The following CXCR2 variants were observed in gnomAD, a reference collection of about 807,000 sequenced individuals.
The protein encoded by CXCR2 is C-X-C chemokine receptor type 2.
Under a neutral mutation model 3.7 loss-of-function variants are expected in CXCR2, and 2 were observed. That is an observed-to-expected ratio of 0.55 (90% confidence interval 0.22 to 1.72). The LOEUF is 1.72. CXCR2 is among the 40% of genes most tolerant of loss of function. The probability of loss-of-function intolerance (pLI) is 0.19; values close to 1 mark genes in which losing one functional copy is unlikely to be tolerated. For synonymous variants in CXCR2, 203 were observed against 193.3 expected, an observed-to-expected ratio of 1.05 and a Z score of -0.41; for missense variants, 351 against 450.1, an observed-to-expected ratio of 0.78 and a Z score of 1.99.
Position 218,135,333 on chromosome 2 carries a change from C to T in CXCR2, c.532C>T (p.Leu178=), listed in dbSNP as rs1342138733. Residue 178 remains leucine, a synonymous_variant, in exon 3 of 3, where the codon CTG becomes TTG. Transcript: ENST00000318507. This position sits in a 1 kb window ranked among gnomAD's most constrained non-coding sequence, Gnocchi z 4.0. ...SIWGLSLLLA[L]PVLLFRRTVY... The stretch of plus-strand genomic sequence containing the variant: ...CTGGGGTCTGTCCTTGCTCCTGGCC[C>T]TGCCTGTCTTACTTTTCCGAAGGAC... 1 of 1,614,194 alleles carries T rather than the reference C, an allele frequency of 6.2e-7. No individual in the cohort carries two copies.
chr2:218,135,576 A>G lies in CXCR2; in HGVS notation c.775A>G (p.Ile259Val). ...AMRVIFAVVL[I>V]FLLCWLPYNL... The stretch of plus-strand genomic sequence containing the variant: ...GCGGGTCATCTTTGCTGTCGTCCTC[A>G]TCTTCCTGCTCTGCTGGCTGCCCTA... The change falls in exon 3 of 3, where the codon ATC (isoleucine) becomes GTC (valine). Residue 259 changes from isoleucine to valine, a missense_variant. Ile to Val is a conservative substitution (Grantham distance 29). Coordinates refer to ENST00000318507, the MANE Select transcript of CXCR2 (RefSeq NM_001557.4). This position sits in a 1 kb window ranked among gnomAD's most constrained non-coding sequence, Gnocchi z 4.0. 1 of 1,614,054 alleles carries G rather than the reference A, an allele frequency of 6.2e-7. No individual in the cohort carries two copies. The highest frequency in any genetic ancestry group is 8.5e-7 in the Non-Finnish European group (1 of 1,180,000).
intron 2 of CXCR2, among the ~76,000 whole-genome samples, chr2:218,132,974 C>T (rs928607104): frequency 3.9e-5 from 6 of 152,226 alleles, no homozygotes; most frequent in Admixed American, 2.0e-4. Context: ...AAAGCAGCTG[C>T]ACCATCTTAC....
intron 2 of CXCR2, among the ~76,000 whole-genome samples, chr2:218,134,174 T>C (rs1690722987): frequency 6.6e-6 from 1 of 152,238 alleles, no homozygotes; most frequent in Admixed American, 6.5e-5. Context: ...CTCAGCTTTA[T>C]AGTCAAACCA....
At chr2:218,126,823 G>A (rs1341089841) in intron 1 of CXCR2, among the ~76,000 whole-genome samples, 1 of 83,276 alleles carries the variant, frequency 1.2e-5, no homozygotes, top group East Asian at 2.6e-4. Flanking sequence ...AATTTTTTGG[G>A]TTTTGTTTGT....
At chr2:218,125,793 TAGA>T (rs1213462557), upstream of CXCR2, 1 of 151,936 alleles carries the variant, frequency 6.6e-6, no homozygotes, top group Non-Finnish European at 1.5e-5. Flanking sequence ...TAAGATGTGG[TAGA>T]AGGGAAAGAG....
At chr2:218,129,540 G>A (rs908366921) in intron 2 of CXCR2, among the ~76,000 whole-genome samples, 175 bp downstream of exon 2, 1 of 152,058 alleles carries the variant, frequency 6.6e-6, no homozygotes, top group African/African-American at 2.4e-5. Flanking sequence ...CCCAAAGGAA[G>A]AACTTCTGTT....
rs1195483219 is a variant in CXCR2 at position 218,136,406 on chromosome 2, C to G, written c.*522C>G. On this transcript the variant is annotated 3_prime_UTR_variant, in exon 3 of 3. Coordinates refer to ENST00000318507, the MANE Select transcript of CXCR2 (RefSeq NM_001557.4). Reference sequence around the variant, plus strand: ...CCGAGATTGTGCCCCTGCACTCCAGCCTGAGCGACAGTGAGACTCTGTCTC... The same window carrying G: ...CCGAGATTGTGCCCCTGCACTCCAGGCTGAGCGACAGTGAGACTCTGTCTC... 5.9e-6 allele frequency: 1 copy of G among 169,732 alleles called. No homozygotes were observed. The highest frequency in any genetic ancestry group is 1.4e-5 in the Non-Finnish European group (1 of 69,924). The allele number at this position is 169,732 out of a possible 1,614,324, so 10.5% of individuals were successfully genotyped here. A position where few individuals can be genotyped will look rare whatever the true frequency, so the allele number is the denominator to read the frequency against.
Position 218,135,850 on chromosome 2 carries a change from G to C in CXCR2, c.1049G>C (p.Gly350Ala). The change falls in exon 3 of 3, where the codon GGC becomes GCC. Residue 350 changes from glycine (G) to alanine (A), a missense_variant. Coordinates refer to ENST00000318507, the MANE Select transcript of CXCR2 (RefSeq NM_001557.4). This position sits in a 1 kb window ranked among gnomAD's most constrained non-coding sequence, Gnocchi z 4.0. ...LPKDSRPSFV[G>A]SSSGHTSTTL Reference sequence around the variant, plus strand: ...AAAGACAGCAGGCCTTCCTTTGTTGGCTCTTCTTCAGGGCACACTTCCACT... The same window carrying C: ...AAAGACAGCAGGCCTTCCTTTGTTGCCTCTTCTTCAGGGCACACTTCCACT... 6.2e-7 allele frequency: 1 copy of C among 1,613,388 alleles called. No homozygotes were observed. The highest frequency in any genetic ancestry group is 8.5e-7 in the Non-Finnish European group (1 of 1,179,548).
chr2:218,136,120 C>T lies in CXCR2; in HGVS notation c.*236C>T. The stretch of plus-strand genomic sequence containing the variant: ...GTCATTTGCTGGAGCTCTGCCCATC[C>T]TGCCCCTGAGCCCATGGCACTCTAT... On this transcript the variant is annotated 3_prime_UTR_variant, in exon 3 of 3. Coordinates refer to ENST00000318507, the MANE Select transcript of CXCR2 (RefSeq NM_001557.4). The T allele has an allele frequency of 1.8e-6, 1 of 544,290 alleles. No homozygotes were observed. The highest frequency in any genetic ancestry group is 3.3e-6 in the Non-Finnish European group (1 of 302,256). 33.7% of individuals were successfully genotyped at this position (544,290 alleles called of 1,614,324 possible).
chr2:218,125,596 T>C (rs1471403745), upstream of CXCR2: 1 of 151,166 alleles, frequency 6.6e-6, no homozygotes, highest in Non-Finnish European at 1.5e-5. Flanking sequence ...TTTTTTTTAA[T>C]GGATTTGCTG....
chr2:218,129,019 T>C (rs1470153880), intron 1 of CXCR2, among the ~76,000 whole-genome samples: 1 of 152,194 alleles, frequency 6.6e-6, no homozygotes, highest in Non-Finnish European at 1.5e-5. Context: ...GGCTCTGAGA[T>C]ACAGCAAAGA....
intron 2 of CXCR2, among the ~76,000 whole-genome samples, chr2:218,132,995 G>A (rs1230544436): frequency 1.3e-5 from 2 of 152,224 alleles, no homozygotes; most frequent in Admixed American, 6.5e-5. Flanking sequence ...ATTCCCACCT[G>A]CAATGTGGGA....
At chr2:218,134,451 G>T (rs1238092673) in intron 2 of CXCR2, among the ~76,000 whole-genome samples, 1 of 152,120 alleles carries the variant, frequency 6.6e-6, no homozygotes, top group African/African-American at 2.4e-5. Flanking sequence ...AAAGATGCTC[G>T]CCACTGAAGG....
At chr2:218,133,871 C>T (rs368472061) in intron 2 of CXCR2, among the ~76,000 whole-genome samples, 9 of 152,226 alleles carry the variant, frequency 5.9e-5, no homozygotes, top group African/African-American at 9.6e-5. Context: ...CTGCTTATCC[C>T]GCATGGTGGC....
chr2:218,135,400 T>C lies in CXCR2; in HGVS notation c.599T>C (p.Met200Thr). ...GTTAGCCCAGCCTGCTATGAGGACA[T>C]GGGCAACAATACAGCAAACTGGCGG... The part of the protein sequence containing the change: ...SNVSPACYED[M>T]GNNTANWRML... Residue 200 changes from methionine (M) to threonine (T), a missense_variant, in exon 3 of 3, where the codon ATG becomes ACG. Met to Thr is a moderately conservative substitution (Grantham distance 81, BLOSUM62 -1). Coordinates refer to ENST00000318507, the MANE Select transcript of CXCR2 (RefSeq NM_001557.4). This position sits in a 1 kb window ranked among gnomAD's most constrained non-coding sequence, Gnocchi z 4.0. 3.7e-6 allele frequency: 6 copies of C among 1,614,234 alleles called. No homozygotes were observed. Among genetic ancestry groups the C allele is most frequent in the Non-Finnish European group, 4.2e-6 (5 of 1,180,034 alleles).
chr2:218,135,790 C>T lies in CXCR2; in HGVS notation c.989C>T (p.Ala330Val), dbSNP rs1251161037. The change falls in exon 3 of 3, where the codon GCT (alanine) becomes GTT (valine). Residue 330 changes from alanine to valine, a missense_variant. Ala to Val is a moderately conservative substitution (Grantham distance 64, BLOSUM62 0). Transcript: ENST00000318507. This position sits in a 1 kb window ranked among gnomAD's most constrained non-coding sequence, Gnocchi z 4.0. ...CGCCATGGACTCCTCAAGATTCTAG[C>T]TATACATGGCTTGATCAGCAAGGAC... is the stretch of plus-strand genomic sequence containing the variant. ...KFRHGLLKIL[A>V]IHGLISKDSL... The T allele has an allele frequency of 2.5e-6, 4 of 1,614,168 alleles. No homozygotes were observed. The East Asian group carries it at 8.9e-5, about 36-fold the overall frequency.
At position 218,136,038 on chromosome 2, in the gene CXCR2, C is replaced by A; in HGVS notation, c.*154C>A. The A allele has an allele frequency of 9.9e-7, 1 of 1,014,814 alleles. No homozygotes were observed. Among genetic ancestry groups the A allele is most frequent in the Non-Finnish European group, 1.5e-6 (1 of 686,846 alleles). 62.9% of individuals were successfully genotyped at this position (1,014,814 alleles called of 1,614,324 possible). On this transcript the variant is annotated 3_prime_UTR_variant, in exon 3 of 3. Transcript: ENST00000318507. ...GAGGAGGCCACGTTCTTACTAGTTT[C>A]CCTTGCATGGTTTAGAAAGCTTGCC...
chr2:218,135,549 A>C lies in CXCR2; in HGVS notation c.748A>C (p.Met250Leu), dbSNP rs755206310. 14 of 1,614,178 alleles carry C rather than the reference A, an allele frequency of 8.7e-6. No homozygotes were observed. In the East Asian group the frequency reaches 2.5e-4, roughly 28 times the overall value. Residue 250 changes from methionine (M) to leucine (L), a missense_variant, in exon 3 of 3, where the codon ATG becomes CTG. Met to Leu is a conservative substitution (Grantham distance 15). Coordinates refer to ENST00000318507, the MANE Select transcript of CXCR2 (RefSeq NM_001557.4). This position sits in a 1 kb window ranked among gnomAD's most constrained non-coding sequence, Gnocchi z 4.0. ...KAHMGQKHRA[M>L]RVIFAVVLIF... ...CCACATGGGGCAGAAGCACCGGGCC[A>C]TGCGGGTCATCTTTGCTGTCGTCCT...
Position 218,135,006 on chromosome 2 carries a change from G to A in CXCR2, c.205G>A (p.Val69Met), listed in dbSNP as rs368269858. The part of the protein sequence containing the change: ...FLLSLLGNSL[V>M]MLVILYSRVG... ...GCTGAGCCTGCTGGGAAACTCCCTCGTGATGCTGGTCATCTTATACAGCAG... is the reference window on the plus strand; with the variant it reads ...GCTGAGCCTGCTGGGAAACTCCCTCATGATGCTGGTCATCTTATACAGCAG... Residue 69 changes from valine to methionine, a missense_variant, in exon 3 of 3, where the codon GTG (valine) becomes ATG (methionine). Val to Met is a conservative substitution (Grantham distance 21). Transcript: ENST00000318507. The surrounding 1 kb of genome is among the most constrained non-coding windows in gnomAD (Gnocchi z 4.0). 10 of 1,614,142 alleles carry A rather than the reference G, an allele frequency of 6.2e-6. No individual in the cohort carries two copies. The highest frequency in any genetic ancestry group is 3.3e-5 in the Admixed American group (2 of 60,018).
Sources: allele counts gnomAD v4.1 joint callset (sites outside exome capture counted in the v4.1 genomes callset), GRCh38; gene constraint gnomAD v4.1.1; non-coding constraint Gnocchi (gnomAD v3.1); transcripts MANE v1.5; gene names NCBI Gene and HGNC (gene_info 2026-07-23, HGNC 2026-07-21).